The following LARP1B variants were observed in gnomAD, a reference collection of about 807,000 sequenced individuals.
LARP1B encodes the protein La ribonucleoprotein 1B, also known as la-related protein 1B.
In LARP1B, 76 loss-of-function variants were observed where a neutral mutation model predicts 114.2. The observed-to-expected ratio is 0.67, with a 90% CI of 0.55 to 0.81. LARP1B has a LOEUF of 0.81. Among genes scored for constraint, LARP1B ranks in the 30% least tolerant of loss-of-function variants. The pLI is 0.00. For missense variants in LARP1B, 1,014 were observed against 1,075.8 expected (o/e 0.94, Z 0.80); for synonymous variants, 345 against 348.0 (o/e 0.99, Z 0.10).
intron 12 of LARP1B, among the ~76,000 whole-genome samples, chr4:128,175,213 CTG>C (rs1745385598): frequency 6.6e-6 from 1 of 152,068 alleles, no homozygotes; most frequent in Non-Finnish European, 1.5e-5. Flanking sequence ...AGATATAGGA[CTG>C]AGTATATTCA....
chr4:128,137,788 TA>T (rs779424919), intron 11 of LARP1B, among the ~76,000 whole-genome samples: 1,017 of 86,566 alleles, frequency 0.012, 7 homozygotes, highest in African/African-American at 0.016. Context: ...TATATATATA[TA>T]TATTTTTTTT....
At chr4:128,067,803 G>A (rs1009927815) in intron 1 of LARP1B, among the ~76,000 whole-genome samples, 1 of 150,628 alleles carries the variant, frequency 6.6e-6, no homozygotes. Context: ...TCCATCTCCC[G>A]TGTTCAAGCG....
At position 128,114,745 on chromosome 4, in the gene LARP1B, A is replaced by G. The variant is rs371331975; in HGVS notation, c.1161+3A>G. ...AGCCAGCCCCAGTGAAATTGAGGGT[A>G]AGTTGTTACAGACTGAGTGAAGTGT... On this transcript the variant is annotated splice_donor_region_variant and intron_variant, in intron 10 of 19. Transcript: ENST00000326639. The G allele has an allele frequency of 5.0e-6, 8 of 1,613,706 alleles. No homozygotes were observed. The highest frequency in any genetic ancestry group is 6.8e-6 in the Non-Finnish European group (8 of 1,179,806).
At chr4:128,174,907 G>T (rs1487965063) in intron 12 of LARP1B, among the ~76,000 whole-genome samples, 1 of 152,058 alleles carries the variant, frequency 6.6e-6, no homozygotes, top group African/African-American at 2.4e-5. Flanking sequence ...CCCAGTATAT[G>T]TTTAGTTGTC....
At chr4:128,113,090 A>G (rs1456100347) in intron 9 of LARP1B, among the ~76,000 whole-genome samples, 11 of 152,154 alleles carry the variant, frequency 7.2e-5, no homozygotes, top group Non-Finnish European at 1.6e-4. Context: ...TTTTCAGTGA[A>G]TTGACTTAGA....
At chr4:128,092,897 G>A in intron 7 of LARP1B, 7 of 985,410 alleles carry the variant, frequency 7.1e-6, no homozygotes, top group Non-Finnish European at 8.4e-6. Context: ...TCCCTTCTGA[G>A]ACCTGACAGT....
intron 15 of LARP1B, among the ~76,000 whole-genome samples, chr4:128,193,472 C>T (rs745343924): frequency 6.6e-6 from 1 of 152,050 alleles, no homozygotes; most frequent in Non-Finnish European, 1.5e-5. Flanking sequence ...ATTTTTGACT[C>T]ATCATAAATT....
Position 128,107,644 on chromosome 4 carries a change from G to C in LARP1B, c.988+331G>C, listed in dbSNP as rs1782571222. The C allele has an allele frequency of 2.1e-6, 3 of 1,415,206 alleles. No homozygotes were observed. In the Admixed American group the frequency reaches 9.4e-5, roughly 44 times the overall value. 87.7% of individuals were successfully genotyped at this position (1,415,206 alleles called of 1,614,324 possible). A position where few individuals can be genotyped will look rare whatever the true frequency, so the allele number is the denominator to read the frequency against. ...CTGTAAAATTGGAATAGTATGATTG[G>C]ATTATTCTAAAAAGGTCTTATACTC... On this transcript the variant is annotated intron_variant, in intron 9 of 19. Coordinates refer to ENST00000326639, the MANE Select transcript of LARP1B (RefSeq NM_018078.4).
In LARP1B at chr4:128,197,321, A is replaced by T. The variant is rs1284111356; in HGVS notation, c.2004-2118A>T. On this transcript the variant is annotated intron_variant, in intron 15 of 19. Transcript: ENST00000326639. ...TCAGGCTCTTAGTGACAAATACAAG[A>T]TTTCCAAAATTTTCATTTTTGCTTG... 2.0e-5 allele frequency among the ~76,000 whole-genome samples: 3 copies of T among 152,224 alleles called. No homozygotes were observed. In the East Asian group the frequency reaches 5.8e-4, roughly 29 times the overall value.
At chr4:128,153,144 AGCTCATTTTT>A (rs1291126598) in intron 11 of LARP1B, among the ~76,000 whole-genome samples, 1 of 150,338 alleles carries the variant, frequency 6.7e-6, no homozygotes, top group African/African-American at 2.4e-5. Context: ...CAGCACACCC[AGCTCATTTTT>A]GTATTTTTAG....
intron 9 of LARP1B, chr4:128,107,615 T>A (rs1213510765): frequency 2.9e-6 from 4 of 1,399,420 alleles, no homozygotes; most frequent in Non-Finnish European, 3.7e-6. Context: ...TGTATCGTTT[T>A]CCCCTGTAAA....
intron 12 of LARP1B, among the ~76,000 whole-genome samples, chr4:128,176,160 A>AAT (rs574902854): frequency 1.5e-5 from 2 of 132,716 alleles, no homozygotes; most frequent in East Asian, 2.1e-4. Flanking sequence ...TATATATATA[A>AAT]ATATATATAT....
intron 13 of LARP1B, among the ~76,000 whole-genome samples, chr4:128,177,250 G>A (rs1276110326): frequency 1.3e-5 from 2 of 152,182 alleles, no homozygotes; most frequent in Non-Finnish European, 2.9e-5. Context: ...TGGATTGGGA[G>A]AGGAAATGGC....
intron 6 of LARP1B, among the ~76,000 whole-genome samples, chr4:128,216,996 C>G (rs1460421004): frequency 1.3e-5 from 2 of 151,178 alleles, no homozygotes; most frequent in African/African-American, 4.8e-5. Context: ...AAACTACCAT[C>G]AGAGAATACT....
intron 11 of LARP1B, among the ~76,000 whole-genome samples, chr4:128,154,173 G>C (rs1734295348): frequency 6.6e-6 from 1 of 152,048 alleles, no homozygotes; most frequent in Non-Finnish European, 1.5e-5. Flanking sequence ...GCAAGGCTTT[G>C]TATAAGACAC....
At chr4:128,154,100 A>AT (rs912229544) in intron 11 of LARP1B, among the ~76,000 whole-genome samples, 18 of 151,456 alleles carry the variant, frequency 1.2e-4, no homozygotes, top group African/African-American at 3.2e-4. Flanking sequence ...TTCTCATTTC[A>AT]TTTTTTTTCC....
At position 128,122,377 on chromosome 4, in the gene LARP1B, T is replaced by C. The variant is rs1018025039; in HGVS notation, c.1524+189T>C. ...GAGGAATCGTTTTATTTTATGAAAG[T>C]AACAGCGTGATGAATACTGTAATTA... On this transcript the variant is annotated intron_variant, in intron 11 of 19. Coordinates refer to ENST00000326639, the MANE Select transcript of LARP1B (RefSeq NM_018078.4). 4.1e-6 allele frequency: 6 copies of C among 1,464,324 alleles called. No homozygotes were observed. The African/African-American group carries it at 7.2e-5, about 17-fold the overall frequency. 90.7% of individuals were successfully genotyped at this position (1,464,324 alleles called of 1,614,324 possible).
At position 128,090,586 on chromosome 4, in the gene LARP1B, T is replaced by C. The variant is rs182586464; in HGVS notation, c.359-415T>C. Among the ~76,000 whole-genome samples the C allele has an allele frequency of 4.3e-3, 660 of 152,350 alleles. 12 individuals carry two copies. Among genetic ancestry groups the C allele is most frequent in the Non-Finnish European group, 2.4e-3 (163 of 68,036 alleles). ...TCTTTTCTCAATTTGTTTTGTGTTT[T>C]CATTTCCTTTTTACTTTATAAGGAA... On this transcript the variant is annotated intron_variant, in intron 5 of 19. Transcript: ENST00000326639.
At chr4:128,125,113 T>TA (rs1224057556) in intron 11 of LARP1B, among the ~76,000 whole-genome samples, 1 of 152,178 alleles carries the variant, frequency 6.6e-6, no homozygotes, top group Non-Finnish European at 1.5e-5. Flanking sequence ...TCTTTGAAGA[T>TA]ATGCTAGGTA....
Sources: gnomAD v4.1 joint callset for allele counts (sites outside exome capture counted in the v4.1 genomes callset) on GRCh38, gnomAD v4.1.1 for gene constraint, MANE v1.5 for transcripts, NCBI Gene and HGNC (gene_info 2026-07-23, HGNC 2026-07-21) for gene names.